Variants in FHOD3 observed in about 807,000 individuals in gnomAD.
The protein encoded by FHOD3 is formin homology 2 domain containing 3.
Under a neutral mutation model 173.0 loss-of-function variants are expected in FHOD3, and 90 were observed. The ratio of observed to expected loss-of-function variants is 0.52; its 90% CI spans 0.44 to 0.62. FHOD3 has a LOEUF of 0.62. FHOD3 is among the 20% of genes least tolerant of loss of function. The pLI, the probability that FHOD3 is intolerant of heterozygous loss-of-function variation, is 0.00. For synonymous variants in FHOD3, 828 were observed against 823.0 expected (o/e 1.01, Z -0.10); for missense variants, 1,945 against 2,034.7 (o/e 0.96, Z 0.85).
At chr18:36,491,884 G>A (rs1212840897) in intron 3 of FHOD3, among the ~76,000 whole-genome samples, 3 of 152,116 alleles carry the variant, frequency 2.0e-5, no homozygotes, top group Non-Finnish European at 4.4e-5. Flanking sequence ...ACCTTCTATG[G>A]GTGGGGGACA....
At chr18:36,298,112 C>G (rs1598612988) in intron 1 of FHOD3, 112 bp downstream of exon 1, 5 of 994,174 alleles carry the variant, frequency 5.0e-6, no homozygotes, top group Non-Finnish European at 2.7e-6. Context: ...GGGCGCGGCC[C>G]GGGGGGACCA....
At chr18:36,675,650 T>C (rs2037809350) in intron 14 of FHOD3, among the ~76,000 whole-genome samples, 1 of 152,194 alleles carries the variant, frequency 6.6e-6, no homozygotes, top group Non-Finnish European at 1.5e-5. Flanking sequence ...AAAAAACTCC[T>C]CTGTAGGTCC....
chr18:36,778,067 G>A (rs1008074632), intron 28 of FHOD3: 2 of 152,262 alleles, frequency 1.3e-5, no homozygotes, highest in Admixed American at 1.3e-4. Flanking sequence ...TCCTGGAAGA[G>A]AAGGAGCCCT....
intron 3 of FHOD3, among the ~76,000 whole-genome samples, chr18:36,486,814 C>T (rs182618329): frequency 4.3e-4 from 65 of 152,334 alleles, no homozygotes; most frequent in African/African-American, 1.2e-3. Context: ...TATCAATCTC[C>T]GCTATTCCCA....
chr18:36,627,962 G>A (rs977620422), intron 10 of FHOD3, among the ~76,000 whole-genome samples: 3 of 152,230 alleles, frequency 2.0e-5, no homozygotes, highest in Middle Eastern at 3.4e-3. Flanking sequence ...CGCCCTGGCC[G>A]CACCTAACGC....
At position 36,369,498 on chromosome 18, in the gene FHOD3, C is replaced by CATAT. The variant is rs370203544; in HGVS notation, c.273-3176_273-3173dup. On this transcript the variant is annotated intron_variant, in intron 2 of 28. Coordinates refer to ENST00000590592, the MANE Select transcript of FHOD3 (RefSeq NM_001281740.3). Reference sequence around the variant, plus strand: ...ACACACACACACACACACACACACACATATATATAGAGAGAGAGAGAGAGA... The same window carrying CATAT: ...ACACACACACACACACACACACACACATATATATATATAGAGAGAGAGAGAGAGA... Among the ~76,000 whole-genome samples the CATAT allele has an allele frequency of 3.7e-3, 358 of 95,906 alleles. 6 individuals are homozygous for CATAT. Among genetic ancestry groups the CATAT allele is most frequent in the South Asian group, 0.011 (32 of 2,858 alleles). The allele number at this position is 95,906 out of a possible 152,430, so 62.9% of individuals were successfully genotyped here. A position where few individuals can be genotyped will look rare whatever the true frequency, so the allele number is the denominator to read the frequency against.
chr18:36,564,489 T>C (rs949601031), intron 5 of FHOD3, among the ~76,000 whole-genome samples: 1 of 152,188 alleles, frequency 6.6e-6, no homozygotes, highest in African/African-American at 2.4e-5. Flanking sequence ...CACCTGTTTC[T>C]GTACAGGTGG....
chr18:36,606,388 G>A (rs2032073406), intron 8 of FHOD3, among the ~76,000 whole-genome samples: 1 of 151,918 alleles, frequency 6.6e-6, no homozygotes. Flanking sequence ...AGGAGAAGGG[G>A]GTGAAACTTA....
At chr18:36,732,032 G>C (rs1393319039) in intron 20 of FHOD3, among the ~76,000 whole-genome samples, 2 of 152,216 alleles carry the variant, frequency 1.3e-5, no homozygotes, top group African/African-American at 4.8e-5. Context: ...CCAATGACTG[G>C]TATCCTTATA....
At chr18:36,382,536 C>T (rs866865642) in intron 3 of FHOD3, among the ~76,000 whole-genome samples, 1 of 152,176 alleles carries the variant, frequency 6.6e-6, no homozygotes, top group African/African-American at 2.4e-5. Context: ...CCTAAGTCTA[C>T]TGGTAACTAA....
intron 3 of FHOD3, among the ~76,000 whole-genome samples, chr18:36,399,314 A>G (rs2048695526): frequency 6.6e-6 from 1 of 152,206 alleles, no homozygotes; most frequent in East Asian, 1.9e-4. Flanking sequence ...TCAGCTCTGA[A>G]CACGGCCATG....
At chr18:36,499,321 C>T (rs902685563) in intron 3 of FHOD3, among the ~76,000 whole-genome samples, 2 of 152,126 alleles carry the variant, frequency 1.3e-5, no homozygotes, top group Admixed American at 1.3e-4. Flanking sequence ...CCAGACTGGT[C>T]TTGAACTCCT....
chr18:36,387,390 G>A (rs1427593365), intron 3 of FHOD3, among the ~76,000 whole-genome samples: 2 of 152,308 alleles, frequency 1.3e-5, no homozygotes, highest in East Asian at 3.9e-4. Flanking sequence ...TTTCATTAAT[G>A]TGAGCTTTGT....
intron 5 of FHOD3, among the ~76,000 whole-genome samples, chr18:36,513,880 T>A (rs1380566020): frequency 1.3e-5 from 2 of 152,100 alleles, no homozygotes; most frequent in Non-Finnish European, 1.5e-5. Flanking sequence ...ACCCATGGTG[T>A]GTGCAGCAGT....
intron 2 of FHOD3, among the ~76,000 whole-genome samples, chr18:36,371,692 T>G (rs2047195939): frequency 6.6e-6 from 1 of 152,236 alleles, no homozygotes; most frequent in Non-Finnish European, 1.5e-5. Context: ...GAATTCATAA[T>G]CACAGTATTA....
chr18:36,634,874 T>G (rs1486375089), intron 10 of FHOD3, among the ~76,000 whole-genome samples: 2 of 152,238 alleles, frequency 1.3e-5, no homozygotes, highest in East Asian at 3.8e-4. Flanking sequence ...GAAAATATTT[T>G]GTGCACCCGC....
intron 17 of FHOD3, among the ~76,000 whole-genome samples, chr18:36,693,970 A>G (rs533383318): frequency 3.2e-4 from 49 of 152,326 alleles, no homozygotes; most frequent in African/African-American, 1.2e-3. Flanking sequence ...GTCCTTATGT[A>G]CAGACAGGCA....
At chr18:36,496,275 A>G (rs907479164) in intron 3 of FHOD3, among the ~76,000 whole-genome samples, 9 of 152,312 alleles carry the variant, frequency 5.9e-5, no homozygotes, top group African/African-American at 1.7e-4. Flanking sequence ...CTTGAACCAC[A>G]TCAAAGGGCT....
chr18:36,418,392 T>G (rs993633925), intron 3 of FHOD3, among the ~76,000 whole-genome samples: 2 of 152,202 alleles, frequency 1.3e-5, no homozygotes, highest in Non-Finnish European at 2.9e-5. Context: ...TGTAGGAAGC[T>G]CATGGGTTGC....
Sources: allele counts gnomAD v4.1 joint callset (sites outside exome capture counted in the v4.1 genomes callset), GRCh38; gene constraint gnomAD v4.1.1; transcripts MANE v1.5; gene names NCBI Gene and HGNC (gene_info 2026-07-23, HGNC 2026-07-21).